PCA3: variants seen among roughly 807,000 people sequenced by gnomAD.
PCA3 encodes the protein prostate cancer associated 3, also known as Differential Display code 3.
intron 2 of PCA3, among the ~76,000 whole-genome samples, chr9:76,775,731 A>G (rs1412315528): frequency 6.6e-6 from 1 of 152,228 alleles, no homozygotes; most frequent in African/African-American, 2.4e-5. Context: ...ATAGTTGTAC[A>G]TCATCCCATT....
At chr9:76,774,923 C>CTTCT (rs1249648463) in intron 2 of PCA3, among the ~76,000 whole-genome samples, 2 of 152,288 alleles carry the variant, frequency 1.3e-5, no homozygotes, top group Middle Eastern at 3.4e-3. Context: ...TGTTGCTGAG[C>CTTCT]TTCTATTTCC....
intron 2 of PCA3, among the ~76,000 whole-genome samples, chr9:76,780,935 A>G (rs933715849): frequency 2.0e-5 from 3 of 152,152 alleles, no homozygotes; most frequent in African/African-American, 4.8e-5. Flanking sequence ...CATCTGAGAA[A>G]GTGGTCTAGG....
chr9:76,774,760 A>T (rs1039372126), intron 2 of PCA3, among the ~76,000 whole-genome samples: 2 of 152,130 alleles, frequency 1.3e-5, no homozygotes, highest in Non-Finnish European at 2.9e-5. Flanking sequence ...GGCCCGACCC[A>T]ATTCTTTAAA....
intron 2 of PCA3, among the ~76,000 whole-genome samples, chr9:76,767,664 C>A (rs184379548): frequency 6.6e-6 from 1 of 152,182 alleles, no homozygotes; most frequent in Non-Finnish European, 1.5e-5. Flanking sequence ...TAACAGGAGG[C>A]ACCTTAAAGC....
chr9:76,783,123 G>A (rs1165423127), intron 2 of PCA3, among the ~76,000 whole-genome samples: 5 of 152,072 alleles, frequency 3.3e-5, no homozygotes, highest in Admixed American at 6.6e-5. Context: ...AGTTGTATCT[G>A]ACTATGCCTT....
chr9:76,780,069 T>C (rs2054204342), intron 2 of PCA3, among the ~76,000 whole-genome samples: 1 of 152,212 alleles, frequency 6.6e-6, no homozygotes, highest in Admixed American at 6.5e-5. Context: ...TTCTTAAGGA[T>C]TTGTCTTTGT....
rs569411586 is a variant in PCA3 at position 76,767,550 on chromosome 9, G to T, written n.852+30935G>T. The stretch of plus-strand genomic sequence containing the variant: ...ACTCCATTGATCACCTCTTTAAAAA[G>T]AAAAAGAACTATTTTCCAGAACCTT... On this transcript the variant is annotated intron_variant and non_coding_transcript_variant, in intron 2 of 5. Coordinates refer to ENST00000644657, the Ensembl canonical transcript of PCA3. 1.1e-4 allele frequency among the ~76,000 whole-genome samples: 17 copies of T among 152,068 alleles called. 2 individuals are homozygous for T. The South Asian group carries it at 3.5e-3, about 32-fold the overall frequency.
intron 2 of PCA3, among the ~76,000 whole-genome samples, chr9:76,767,405 T>G (rs1250579180): frequency 6.6e-6 from 1 of 151,882 alleles, no homozygotes; most frequent in Non-Finnish European, 1.5e-5. Flanking sequence ...GAGACAAGAT[T>G]GTGCCACTGC....
intron 2 of PCA3, among the ~76,000 whole-genome samples, chr9:76,782,031 G>A (rs528038763): frequency 7.9e-5 from 12 of 152,184 alleles, no homozygotes; most frequent in African/African-American, 2.4e-4. Context: ...TGGCTAACAC[G>A]GTGAAACCCC....
At chr9:76,785,413 A>C (rs757278341) in intron 2 of PCA3, 1 of 152,224 alleles carries the variant, frequency 6.6e-6, no homozygotes, top group Non-Finnish European at 1.5e-5. Context: ...CACGTTTGTA[A>C]GCCTGGGATG....
intron 2 of PCA3, among the ~76,000 whole-genome samples, chr9:76,768,975 G>A (rs1047967591): frequency 1.1e-4 from 16 of 152,172 alleles, no homozygotes; most frequent in African/African-American, 1.9e-4. Context: ...TATATAACTC[G>A]ACCCTTTCCA....
Position 76,773,474 on chromosome 9 carries a change from G to A in PCA3, n.853-35109G>A, listed in dbSNP as rs139021210. Among the ~76,000 whole-genome samples, 448 of 128,064 alleles carry A rather than the reference G, an allele frequency of 3.5e-3. 4 individuals are homozygous for A. Among genetic ancestry groups the A allele is most frequent in the African/African-American group, 0.013 (438 of 33,040 alleles). 84.0% of individuals were successfully genotyped at this position (128,064 alleles called of 152,430 possible). Reference sequence around the variant, plus strand: ...TTTTTTTTTTTTGAGACAGAGTCTCGCTCTTGTCGCCCAGGCTGGAGTGCA... The same window carrying A: ...TTTTTTTTTTTTGAGACAGAGTCTCACTCTTGTCGCCCAGGCTGGAGTGCA... On this transcript the variant is annotated intron_variant and non_coding_transcript_variant, in intron 2 of 5. Coordinates refer to ENST00000644657, the Ensembl canonical transcript of PCA3.
chr9:76,765,567 T>C (rs1012580463), intron 2 of PCA3, among the ~76,000 whole-genome samples: 2 of 152,188 alleles, frequency 1.3e-5, no homozygotes, highest in Non-Finnish European at 2.9e-5. Context: ...TGGCTCAATC[T>C]TTCTTGCATA....
At chr9:76,768,645 A>G (rs956041437) in intron 2 of PCA3, among the ~76,000 whole-genome samples, 6 of 150,872 alleles carry the variant, frequency 4.0e-5, no homozygotes, top group African/African-American at 1.5e-4. Flanking sequence ...TGACTAGATC[A>G]TCAACAATTT....
At chr9:76,775,081 C>T (rs1318130634) in intron 2 of PCA3, among the ~76,000 whole-genome samples, 1 of 152,010 alleles carries the variant, frequency 6.6e-6, no homozygotes, top group Admixed American at 6.6e-5. Flanking sequence ...AAAAAATTTG[C>T]CCTGTTACTT....
Position 76,773,664 on chromosome 9 carries a change from G to A in PCA3, n.853-34919G>A, listed in dbSNP as rs185404691. ...TTGCCATGTTGGCCAGGCTGGTCTC[G>A]AACTCCTGACCTCAGGTGATCCACC... On this transcript the variant is annotated intron_variant and non_coding_transcript_variant, in intron 2 of 5. Transcript: ENST00000644657. Among the ~76,000 whole-genome samples, 52 of 152,108 alleles carry A rather than the reference G, an allele frequency of 3.4e-4. 1 individual carries two copies. Among genetic ancestry groups the A allele is most frequent in the Non-Finnish European group, 5.6e-4 (38 of 67,998 alleles).
At chr9:76,769,518 C>CCG in intron 2 of PCA3, among the ~76,000 whole-genome samples, 1 of 152,230 alleles carries the variant, frequency 6.6e-6, no homozygotes, top group Admixed American at 6.5e-5. Flanking sequence ...CTCCGCCCCC[C>CCG]GGGTTCAAGT....
At chr9:76,782,687 T>TA in intron 2 of PCA3, 1 of 152,220 alleles carries the variant, frequency 6.6e-6, no homozygotes, top group African/African-American at 2.4e-5. Context: ...CACATATACT[T>TA]AGTGTTTCAA....
rs147313899 is a variant in PCA3 at position 76,783,014 on chromosome 9, T to C, written n.853-25569T>C. Among the ~76,000 whole-genome samples the C allele has an allele frequency of 7.1e-3, 1,088 of 152,302 alleles. 13 individuals are homozygous for C. The highest frequency in any genetic ancestry group is 0.025 in the African/African-American group (1,052 of 41,568). ...CCCCCATGTTACGTGTCATTTTCCT[T>C]AGGTTTCTTTTAAAGTGCCCAAAAC... On this transcript the variant is annotated intron_variant and non_coding_transcript_variant, in intron 2 of 5. Transcript: ENST00000644657.
Sources: allele counts gnomAD v4.1 joint callset (sites outside exome capture counted in the v4.1 genomes callset), GRCh38; gene constraint gnomAD v4.1.1; transcripts MANE v1.5; gene names NCBI Gene and HGNC (gene_info 2026-07-23, HGNC 2026-07-21).